WDR72: variants seen among roughly 807,000 people sequenced by gnomAD.
WDR72 encodes the protein WD repeat domain 72, also known as WD repeat-containing protein 72.
In WDR72, 120 loss-of-function variants were observed where a neutral mutation model predicts 124.2. That is an observed-to-expected ratio of 0.97 (90% CI 0.83 to 1.12). The LOEUF is 1.12. WDR72 is among the 50% of genes most tolerant of loss of function. The probability of loss-of-function intolerance (pLI) is 0.00; values close to 1 mark genes in which losing one functional copy is unlikely to be tolerated. For missense variants in WDR72, 1,387 were observed against 1,278.8 expected (o/e 1.08, Z -1.29); for synonymous variants, 452 against 441.7 (o/e 1.02, Z -0.29).
At chr15:53,632,453 A>C (rs1566994455) in intron 14 of WDR72, among the ~76,000 whole-genome samples, 1 of 151,946 alleles carries the variant, frequency 6.6e-6, no homozygotes, top group Non-Finnish European at 1.5e-5. Flanking sequence ...CTCATGAAGA[A>C]CCTCTACTAG....
chr15:53,611,910 G>A (rs1034404315), intron 16 of WDR72, among the ~76,000 whole-genome samples: 1 of 152,228 alleles, frequency 6.6e-6, no homozygotes, highest in South Asian at 2.1e-4. Flanking sequence ...CTTTTCAACA[G>A]TCGTGTGAGG....
intron 18 of WDR72, among the ~76,000 whole-genome samples, chr15:53,535,209 A>G (rs1021444008): frequency 1.1e-4 from 17 of 152,182 alleles, no homozygotes; most frequent in African/African-American, 3.9e-4. Context: ...CTACTAAACA[A>G]TAATTCTTAA....
intron 13 of WDR72, among the ~76,000 whole-genome samples, chr15:53,694,270 G>T (rs555561398): frequency 6.6e-6 from 1 of 152,172 alleles, no homozygotes; most frequent in African/African-American, 2.4e-5. Context: ...TTATATTTTG[G>T]CAACTATCTT....
chr15:53,759,347 G>GA (rs1459454550), intron 1 of WDR72: 1 of 152,220 alleles, frequency 6.6e-6, no homozygotes, highest in Non-Finnish European at 1.5e-5. Context: ...GGGATACTGC[G>GA]AGATGAGCGG....
At chr15:53,671,596 G>A (rs1318263660) in intron 13 of WDR72, among the ~76,000 whole-genome samples, 3 of 152,176 alleles carry the variant, frequency 2.0e-5, no homozygotes, top group Admixed American at 1.3e-4. Flanking sequence ...CAGAGCATAT[G>A]AGGGTCTCAG....
chr15:53,726,373 G>C (rs1241183221), intron 2 of WDR72, among the ~76,000 whole-genome samples: 1 of 148,102 alleles, frequency 6.8e-6, no homozygotes, highest in Non-Finnish European at 1.5e-5. Context: ...GGCTGATCAG[G>C]TATTTCTGAA....
intron 13 of WDR72, among the ~76,000 whole-genome samples, chr15:53,691,999 T>C (rs981183259): frequency 3.9e-5 from 6 of 152,168 alleles, no homozygotes; most frequent in East Asian, 1.9e-4. Context: ...CTTCTAGAAA[T>C]AGAACAGTGA....
intron 12 of WDR72, among the ~76,000 whole-genome samples, chr15:53,701,838 GA>G (rs1006768095): frequency 6.6e-6 from 1 of 151,842 alleles, no homozygotes; most frequent in Non-Finnish European, 1.5e-5. Context: ...AGAATGAGAG[GA>G]AAAAAATAGA....
At chr15:53,629,959 C>A (rs1480849037) in intron 14 of WDR72, among the ~76,000 whole-genome samples, 4 of 152,058 alleles carry the variant, frequency 2.6e-5, no homozygotes, top group Non-Finnish European at 5.9e-5. Flanking sequence ...GGGAAATTTA[C>A]AAATATGTGC....
At chr15:53,646,071 G>A (rs973556707) in intron 14 of WDR72, among the ~76,000 whole-genome samples, 174 of 152,260 alleles carry the variant, frequency 1.1e-3, no homozygotes, top group African/African-American at 4.1e-3. Flanking sequence ...CGATGTTTCT[G>A]TAACACTTAA....
chr15:53,594,281 C>T (rs529218935), intron 18 of WDR72, among the ~76,000 whole-genome samples: 5 of 149,568 alleles, frequency 3.3e-5, no homozygotes, highest in Non-Finnish European at 4.5e-5. Flanking sequence ...ATAAATAATA[C>T]GTACCACCAA....
chr15:53,636,945 G>A (rs1224923277), intron 14 of WDR72, among the ~76,000 whole-genome samples: 1 of 152,124 alleles, frequency 6.6e-6, no homozygotes, highest in Non-Finnish European at 1.5e-5. Context: ...TTACAGAGTT[G>A]TGCAGCCCTC....
chr15:53,657,925 C>T (rs2015484462), intron 14 of WDR72, among the ~76,000 whole-genome samples: 1 of 152,072 alleles, frequency 6.6e-6, no homozygotes, highest in Non-Finnish European at 1.5e-5. Flanking sequence ...GCCATAAATT[C>T]AATAAATGCA....
At chr15:53,594,538 G>A (rs1410621590) in intron 18 of WDR72, among the ~76,000 whole-genome samples, 1 of 151,154 alleles carries the variant, frequency 6.6e-6, no homozygotes, top group East Asian at 2.0e-4. Flanking sequence ...TAGAAATAAA[G>A]ATAACAGTTT....
chr15:53,583,924 G>A (rs897169482), intron 18 of WDR72, among the ~76,000 whole-genome samples: 10 of 151,846 alleles, frequency 6.6e-5, no homozygotes, highest in Admixed American at 2.0e-4. Flanking sequence ...CTTCTAAGTT[G>A]CTTTGTTAAA....
chr15:53,586,283 G>A (rs895817869), intron 18 of WDR72, among the ~76,000 whole-genome samples: 1 of 152,024 alleles, frequency 6.6e-6, no homozygotes, highest in Non-Finnish European at 1.5e-5. Context: ...GGTATTAAGA[G>A]TTCTCAAAAA....
At chr15:53,574,762 T>C (rs1461798106) in intron 18 of WDR72, among the ~76,000 whole-genome samples, 1 of 152,170 alleles carries the variant, frequency 6.6e-6, no homozygotes, top group Non-Finnish European at 1.5e-5. Context: ...CTCCATTTTT[T>C]CCTTCTATAA....
intron 9 of WDR72, among the ~76,000 whole-genome samples, chr15:53,709,501 G>A (rs746833932): frequency 2.6e-5 from 4 of 152,126 alleles, no homozygotes; most frequent in Non-Finnish European, 5.9e-5. Flanking sequence ...GAAATTTTCA[G>A]GAACAAGAAG....
intron 18 of WDR72, among the ~76,000 whole-genome samples, chr15:53,566,613 T>C (rs1158110554): frequency 6.6e-6 from 1 of 151,756 alleles, no homozygotes; most frequent in African/African-American, 2.4e-5. Context: ...CCAGCATGGA[T>C]AGGCTCATCT....
Sources: gnomAD v4.1 joint callset for allele counts (sites outside exome capture counted in the v4.1 genomes callset) on GRCh38, gnomAD v4.1.1 for gene constraint, MANE v1.5 for transcripts, NCBI Gene and HGNC (gene_info 2026-07-23, HGNC 2026-07-21) for gene names.